CPS1: variants seen among roughly 807,000 people sequenced by gnomAD.
CPS1 encodes the protein carbamoyl-phosphate synthase [ammonia], mitochondrial.
In CPS1, 109 loss-of-function variants were observed where a neutral mutation model predicts 174.6. That is an observed-to-expected ratio of 0.62 (90% CI 0.53 to 0.73). The LOEUF is 0.73. CPS1 is among the 30% of genes least tolerant of loss of function. The pLI is 0.00. For missense variants in CPS1, 1,689 were observed against 1,821.9 expected (o/e 0.93, Z 1.33); for synonymous variants, 637 against 632.0 (o/e 1.01, Z -0.12).
chr2:210,529,200 A>C (rs1696052008), intron 1 of CPS1, among the ~76,000 whole-genome samples: 1 of 151,938 alleles, frequency 6.6e-6, no homozygotes, highest in South Asian at 2.1e-4. Context: ...ATAGGAACCA[A>C]GCCTTAATCA....
intron 1 of CPS1, among the ~76,000 whole-genome samples, chr2:210,524,805 G>C (rs533118894): frequency 1.3e-5 from 2 of 152,106 alleles, no homozygotes; most frequent in South Asian, 4.1e-4. Context: ...ACTAGTTCTT[G>C]TTGGTTCCAA....
At position 210,584,100 on chromosome 2, in the gene CPS1, T is replaced by G. The variant is rs145792861; in HGVS notation, c.621+1391T>G. 3.6e-3 allele frequency among the ~76,000 whole-genome samples: 549 copies of G among 152,262 alleles called. 5 individuals are homozygous for G. Among genetic ancestry groups the G allele is most frequent in the African/African-American group, 0.012 (496 of 41,582 alleles). On this transcript the variant is annotated intron_variant, in intron 6 of 37. Transcript: ENST00000233072. ...TATGAAATTTTTTTAAAGAAAAGTT[T>G]TTGATCCGCTTTGAAACTTAAAGGA...
upstream of CPS1, among the ~76,000 whole-genome samples, chr2:210,554,594 T>A (rs1696841911): frequency 6.6e-6 from 1 of 151,920 alleles, no homozygotes; most frequent in African/African-American, 2.4e-5. Flanking sequence ...ATTGCATGGG[T>A]ACCTTAGGGT....
At chr2:210,543,509 T>C (rs1559069130) in intron 1 of CPS1, among the ~76,000 whole-genome samples, 1 of 152,074 alleles carries the variant, frequency 6.6e-6, no homozygotes, top group East Asian at 1.9e-4. Context: ...ATTTAATTAA[T>C]ATGTATCATT....
At chr2:210,589,002 C>G (rs1698198133) in intron 7 of CPS1, among the ~76,000 whole-genome samples, 9 of 152,018 alleles carry the variant, frequency 5.9e-5, no homozygotes, top group Admixed American at 5.9e-4. Flanking sequence ...TGCCTGATGG[C>G]TGGAGCCTAC....
rs189810869 is a variant in CPS1 at position 210,608,921 on chromosome 2, A to G, written c.2391+362A>G. 1.4e-4 allele frequency among the ~76,000 whole-genome samples: 21 copies of G among 152,048 alleles called. No individual in the cohort carries two copies. The East Asian group carries it at 3.9e-3, about 28-fold the overall frequency. On this transcript the variant is annotated intron_variant, in intron 19 of 37. Transcript: ENST00000233072. ...CCAAATCAAGAAAGTAATATAGAAT[A>G]TAATATATCAAAAAGACCACTGAAC...
chr2:210,632,636 A>G (rs1699903847), intron 21 of CPS1, among the ~76,000 whole-genome samples: 2 of 152,220 alleles, frequency 1.3e-5, no homozygotes. Flanking sequence ...GACTGTGGGA[A>G]GGGATCTAAC....
Position 210,602,322 on chromosome 2 carries a change from AG to A in CPS1, c.1829del (p.Ser610ThrfsTer7). On this transcript the variant is annotated frameshift_variant, in exon 16 of 38. Coordinates refer to ENST00000233072, the MANE Select transcript of CPS1 (RefSeq NM_001875.5). LOFTEE classifies it high-confidence loss of function. ...CPNRETLMDL[S>X]TKAFAMTNQI... ...CAACAGAGAGACTTTGATGGACCTC[AG>A]CACAAAGGTATGTATTTTTGTAGAC... The A allele has an allele frequency of 1.2e-6, 2 of 1,612,580 alleles. No individual in the cohort carries two copies. Among genetic ancestry groups the A allele is most frequent in the South Asian group, 2.2e-5 (2 of 91,062 alleles).
At chr2:210,505,499 G>A (rs1400728214) in intron 1 of CPS1, among the ~76,000 whole-genome samples, 1 of 152,152 alleles carries the variant, frequency 6.6e-6, no homozygotes, top group Non-Finnish European at 1.5e-5. Flanking sequence ...ATTTCCAACT[G>A]AGGTACTGGG....
In CPS1 at chr2:210,493,999, TATTA is replaced by T. The variant is rs1440141148; in HGVS notation, c.3+16234_3+16237del. On this transcript the variant is annotated intron_variant, in intron 1 of 38. Transcript: ENST00000430249. The stretch of plus-strand genomic sequence containing the variant: ...GCTGAATGCTGAACTACCAATAGAC[TATTA>T]GATTACAAGCACCTTGAAAACCAGA... 5.9e-5 allele frequency among the ~76,000 whole-genome samples: 9 copies of T among 152,300 alleles called. No homozygotes were observed. The East Asian group carries it at 1.7e-3, about 29-fold the overall frequency.
At chr2:210,620,392 T>C (rs1045888206) in intron 21 of CPS1, among the ~76,000 whole-genome samples, 48 of 152,082 alleles carry the variant, frequency 3.2e-4, no homozygotes, top group Middle Eastern at 3.2e-3. Context: ...TGTTTCATGT[T>C]CATGATTACG....
At chr2:210,639,237 T>A in intron 23 of CPS1, 22 bp downstream of exon 23, 1 of 1,565,120 alleles carries the variant, frequency 6.4e-7, no homozygotes, top group Non-Finnish European at 8.8e-7. Context: ...CAAATTGGCC[T>A]ATCCAGAAAG....
intron 1 of CPS1, among the ~76,000 whole-genome samples, chr2:210,491,405 C>A (rs1471491442): frequency 1.4e-5 from 2 of 146,290 alleles, no homozygotes; most frequent in Non-Finnish European, 3.0e-5. Flanking sequence ...ACCTCCACCT[C>A]CCGGTTCAAG....
At chr2:210,653,908 C>G in intron 28 of CPS1, 117 bp from the exon 29 acceptor site, 1 of 796,224 alleles carries the variant, frequency 1.3e-6, no homozygotes, top group Middle Eastern at 2.3e-4. Flanking sequence ...TATGTTCAGC[C>G]TTGAGTATTT....
chr2:210,677,771 T>C, intron 37 of CPS1, 116 bp from the exon 38 acceptor site: 1 of 876,502 alleles, frequency 1.1e-6, no homozygotes, highest in African/African-American at 1.6e-5. Flanking sequence ...CTTTTATGCC[T>C]TTTATCCCAT....
intron 35 of CPS1, 115 bp downstream of exon 35, chr2:210,675,076 G>C (rs918574836): frequency 2.4e-6 from 2 of 830,012 alleles, no homozygotes; most frequent in Non-Finnish European, 4.1e-6. Flanking sequence ...GATATGAAAG[G>C]TTTAACTAAC....
At chr2:210,675,414 T>G (rs972827694) in intron 35 of CPS1, among the ~76,000 whole-genome samples, 3 of 152,158 alleles carry the variant, frequency 2.0e-5, no homozygotes, top group Non-Finnish European at 4.4e-5. Context: ...AACAAGGAAT[T>G]AGCCATGAAT....
chr2:210,637,882 G>T (rs1700087684), intron 22 of CPS1, 39 bp downstream of exon 22: 1 of 1,609,780 alleles, frequency 6.2e-7, no homozygotes, highest in Non-Finnish European at 8.5e-7. Flanking sequence ...CCCACTGACA[G>T]GATTTCTGTG....
chr2:210,661,682 G>A (rs1021831316), intron 32 of CPS1, among the ~76,000 whole-genome samples: 2 of 152,084 alleles, frequency 1.3e-5, no homozygotes, highest in Non-Finnish European at 2.9e-5. Context: ...CATGGAGACT[G>A]TGACAAACAT....
Sources: gnomAD v4.1 joint callset for allele counts (sites outside exome capture counted in the v4.1 genomes callset) on GRCh38, gnomAD v4.1.1 for gene constraint, MANE v1.5 for transcripts, NCBI Gene and HGNC (gene_info 2026-07-23, HGNC 2026-07-21) for gene names.